The following FBXO45 variants were observed in gnomAD, a reference collection of about 807,000 sequenced individuals.
The protein encoded by FBXO45 is F-box/SPRY domain-containing protein 1.
FBXO45 carries 3 observed loss-of-function variants against 25.5 expected under a neutral mutation model. The ratio of observed to expected loss-of-function variants is 0.12; its 90% CI spans 0.05 to 0.30. FBXO45 has a LOEUF of 0.30. Ranked by LOEUF, FBXO45 falls within the 10% of genes least tolerant of loss-of-function variation. FBXO45 has a pLI of 1.00. For missense variants in FBXO45, 219 were observed against 365.0 expected, an observed-to-expected ratio of 0.60 and a Z score of 3.26; for synonymous variants, 155 against 149.8, an observed-to-expected ratio of 1.03 and a Z score of -0.25.
chr3:196,580,431 C>T (rs1331596437), intron 2 of FBXO45, among the ~76,000 whole-genome samples: 1 of 152,016 alleles, frequency 6.6e-6, no homozygotes, highest in African/African-American at 2.4e-5. Flanking sequence ...AGGCTGGTCT[C>T]GAACTCCTGA....
At chr3:196,573,938 C>T (rs1284378823) in intron 1 of FBXO45, among the ~76,000 whole-genome samples, 17 of 125,738 alleles carry the variant, frequency 1.4e-4, no homozygotes, top group Admixed American at 1.7e-4. Flanking sequence ...CTTTATTTTC[C>T]TTTTTTTTTT....
chr3:196,579,152 C>T (rs534741584), intron 2 of FBXO45, among the ~76,000 whole-genome samples: 7 of 152,240 alleles, frequency 4.6e-5, no homozygotes, highest in African/African-American at 1.7e-4. Flanking sequence ...TTGTAAAAGC[C>T]GTATTTATTA....
At position 196,570,351 on chromosome 3, in the gene FBXO45, C is replaced by T. The variant is rs570191656; in HGVS notation, c.318+1049C>T. Among the ~76,000 whole-genome samples, 3 of 151,518 alleles carry T rather than the reference C, an allele frequency of 2.0e-5. No individual in the cohort carries two copies. In the South Asian group the frequency reaches 6.3e-4, roughly 32 times the overall value. ...CTTCCAGGTTCAAGCAATTGTCTTGCCTCAGCCTCCCGAGTAGCTGGGATT... is the reference window on the plus strand; with the variant it reads ...CTTCCAGGTTCAAGCAATTGTCTTGTCTCAGCCTCCCGAGTAGCTGGGATT... On this transcript the variant is annotated intron_variant, in intron 1 of 2. Transcript: ENST00000311630.
chr3:196,577,241 G>A (rs1356406652), intron 1 of FBXO45, among the ~76,000 whole-genome samples: 1 of 150,618 alleles, frequency 6.6e-6, no homozygotes. Flanking sequence ...TAAAATTTTG[G>A]TCAGTGATGA....
In FBXO45 at chr3:196,569,178, A is replaced by G. The variant is rs1249279624; in HGVS notation, c.194A>G (p.His65Arg). ...CGGAGCTGCGCCCTGGTGTGCAAGC[A>G]CTGGTACCGCTGCCTGCACGGCGAT... ...ELRSCALVCK[H>R]WYRCLHGDEN... The change falls in exon 1 of 3, where the codon CAC becomes CGC. Residue 65 changes from histidine to arginine, a missense_variant. Around this residue, in one of 4 missense-constraint regions of FBXO45, gnomAD observed 138 missense variants for 157.3 expected, o/e 0.88. Transcript: ENST00000311630. The surrounding 1 kb of genome is among the most constrained non-coding windows in gnomAD (Gnocchi z 4.1). 1 of 1,558,432 alleles carries G rather than the reference A, an allele frequency of 6.4e-7. No homozygotes were observed. Among genetic ancestry groups the G allele is most frequent in the Non-Finnish European group, 8.7e-7 (1 of 1,151,658 alleles).
intron 1 of FBXO45, among the ~76,000 whole-genome samples, chr3:196,572,791 A>C (rs891394283): frequency 6.6e-6 from 1 of 152,196 alleles, no homozygotes; most frequent in African/African-American, 2.4e-5. Flanking sequence ...TAGGTAGTGG[A>C]GGAGATAGAA....
At chr3:196,571,351 C>T (rs1173442241) in intron 1 of FBXO45, among the ~76,000 whole-genome samples, 1 of 152,072 alleles carries the variant, frequency 6.6e-6, no homozygotes, top group African/African-American at 2.4e-5. Flanking sequence ...GCTTAGCCTC[C>T]CGAGTAGCTG....
At chr3:196,583,381 C>G (rs1024144338) in intron 2 of FBXO45, among the ~76,000 whole-genome samples, 1 of 151,934 alleles carries the variant, frequency 6.6e-6, no homozygotes, top group Non-Finnish European at 1.5e-5. Context: ...TGGCGGGCAC[C>G]TGTAGTCCCA....
intron 2 of FBXO45, among the ~76,000 whole-genome samples, chr3:196,583,700 G>A (rs1736056696): frequency 6.6e-6 from 1 of 152,272 alleles, no homozygotes; most frequent in Non-Finnish European, 1.5e-5. Flanking sequence ...AAGTAATTAA[G>A]TGTAGATTCC....
chr3:196,569,398 C>G lies in FBXO45; in HGVS notation c.318+96C>G. On this transcript the variant is annotated intron_variant, in intron 1 of 2. Transcript: ENST00000311630. This position sits in a 1 kb window ranked among gnomAD's most constrained non-coding sequence, Gnocchi z 4.1. ...CGAGCTTCTGAGTCAGAAGCTTCGC[C>G]TCACCAGCCCGCCTTTCCACGGCTC... 8.1e-7 allele frequency: 1 copy of G among 1,232,780 alleles called. No homozygotes were observed. The highest frequency in any genetic ancestry group is 2.7e-5 in the East Asian group (1 of 37,402). 76.4% of individuals were successfully genotyped at this position (1,232,780 alleles called of 1,614,324 possible).
At chr3:196,581,666 C>T (rs1275821312) in intron 2 of FBXO45, among the ~76,000 whole-genome samples, 1 of 152,092 alleles carries the variant, frequency 6.6e-6, no homozygotes, top group African/African-American at 2.4e-5. Context: ...CACTTAGGAC[C>T]ACTTGGATTC....
rs974530704 is a variant in FBXO45, at chr3:196,568,830, C to G, written c.-155C>G. On this transcript the variant is annotated 5_prime_UTR_variant, in exon 1 of 3. Transcript: ENST00000311630. ...GAGGCGGGGCGCGCGGCGGACGCCC[C>G]CGGGCAGGGGCGGGAGTGGTGGAGG... is the stretch of plus-strand genomic sequence containing the variant. The G allele has an allele frequency of 2.1e-4, 86 of 409,072 alleles. No homozygotes were observed. Among genetic ancestry groups the G allele is most frequent in the Admixed American group, 5.1e-4 (8 of 15,540 alleles). The allele number at this position is 409,072 out of a possible 1,614,324, so 25.3% of individuals were successfully genotyped here.
intron 1 of FBXO45, among the ~76,000 whole-genome samples, chr3:196,576,385 TA>T (rs1224479552): frequency 6.6e-6 from 1 of 152,118 alleles, no homozygotes; most frequent in Non-Finnish European, 1.5e-5. Context: ...AGGGATTTTT[TA>T]AAAACATACT....
intron 1 of FBXO45, among the ~76,000 whole-genome samples, chr3:196,576,529 C>CA (rs1235024868): frequency 6.6e-6 from 1 of 152,128 alleles, no homozygotes; most frequent in African/African-American, 2.4e-5. Context: ...GTCTGGGTGA[C>CA]AGAGTGAGAC....
At chr3:196,575,394 G>A (rs940141334) in intron 1 of FBXO45, among the ~76,000 whole-genome samples, 5 of 149,878 alleles carry the variant, frequency 3.3e-5, no homozygotes, top group African/African-American at 1.2e-4. Flanking sequence ...GGAGGCAGAG[G>A]TTGCAGTGAG....
At chr3:196,574,608 T>G (rs1449830071) in intron 1 of FBXO45, among the ~76,000 whole-genome samples, 1 of 152,228 alleles carries the variant, frequency 6.6e-6, no homozygotes, top group African/African-American at 2.4e-5. Context: ...TCTTCTGTCC[T>G]CTATTTCCTA....
rs1735935720 is a variant in FBXO45, at chr3:196,577,588, G to A, written c.454G>A (p.Glu152Lys). Residue 152 changes from glutamate (E) to lysine (K), a missense_variant, in exon 2 of 3, where the codon GAG (glutamate) becomes AAG (lysine). Coordinates refer to ENST00000311630, the MANE Select transcript of FBXO45 (RefSeq NM_001105573.2). ...TGCAAGGACCAAGATTGGTTTCAGT[G>A]AGGGCCGCCATGCATGGGAAGTGTG... ...DGARTKIGFS[E>K]GRHAWEVWWE... 1 of 1,613,888 alleles carries A rather than the reference G, an allele frequency of 6.2e-7. No homozygotes were observed. The highest frequency in any genetic ancestry group is 1.7e-5 in the Admixed American group (1 of 59,998).
In FBXO45 at chr3:196,586,649, G is replaced by C. The variant is rs531947040; in HGVS notation, c.*2331G>C. 6.6e-6 allele frequency: 1 copy of C among 152,302 alleles called. No homozygotes were observed. The highest frequency in any genetic ancestry group is 1.5e-5 in the Non-Finnish European group (1 of 68,038). 9.4% of individuals were successfully genotyped at this position (152,302 alleles called of 1,614,324 possible). ...GAGGAGAGCATTTCGGTAGAAGACAGTTGCGCCTGAAGATTGAGTGTAAAT... is the reference window on the plus strand; with the variant it reads ...GAGGAGAGCATTTCGGTAGAAGACACTTGCGCCTGAAGATTGAGTGTAAAT... On this transcript the variant is annotated 3_prime_UTR_variant, in exon 3 of 3. Transcript: ENST00000311630.
At chr3:196,571,157 A>G (rs1160735477) in intron 1 of FBXO45, among the ~76,000 whole-genome samples, 1 of 152,204 alleles carries the variant, frequency 6.6e-6, no homozygotes, top group Admixed American at 6.5e-5. Context: ...TGTCGGTTTC[A>G]TAAATTTTAT....
Sources: allele counts gnomAD v4.1 joint callset (sites outside exome capture counted in the v4.1 genomes callset), GRCh38; gene constraint gnomAD v4.1.1; regional missense constraint gnomAD v4.1.1; non-coding constraint Gnocchi (gnomAD v3.1); transcripts MANE v1.5; gene names NCBI Gene and HGNC (gene_info 2026-07-23, HGNC 2026-07-21).